The following UBR3 variants were observed in gnomAD, a reference collection of about 807,000 sequenced individuals.
UBR3 encodes E3 ubiquitin-protein ligase UBR3.
In UBR3, 85 loss-of-function variants were observed where a neutral mutation model predicts 243.2. The observed-to-expected ratio is 0.35, with a 90% CI of 0.29 to 0.42. The LOEUF is 0.42. Ranked by LOEUF, UBR3 falls within the 10% of genes least tolerant of loss-of-function variation. UBR3 has a pLI of 1.00. For missense variants in UBR3, 1,686 were observed against 2,300.8 expected (o/e 0.73, Z 5.47); for synonymous variants, 748 against 799.8 (o/e 0.94, Z 1.09).
chr2:170,070,024 T>C (rs73019594), intron 35 of UBR3, among the ~76,000 whole-genome samples: 6,514 of 152,214 alleles, frequency 0.043, 153 homozygotes, highest in Middle Eastern at 0.061. Context: ...TTTTGATGTA[T>C]GGCTGGTTGA....
intron 1 of UBR3, among the ~76,000 whole-genome samples, chr2:169,835,981 C>A (rs1354273191): frequency 1.5e-4 from 18 of 116,770 alleles, no homozygotes; most frequent in African/African-American, 5.0e-4. Flanking sequence ...TCCTGAAATT[C>A]CTGTGTGCAC....
chr2:169,858,117 T>G (rs2082955488), intron 1 of UBR3, among the ~76,000 whole-genome samples: 1 of 152,192 alleles, frequency 6.6e-6, no homozygotes, highest in African/African-American at 2.4e-5. Flanking sequence ...GCCACGAATT[T>G]GAAAGTGGCT....
chr2:169,874,560 C>CA (rs2083538052), intron 2 of UBR3, among the ~76,000 whole-genome samples: 1 of 152,158 alleles, frequency 6.6e-6, no homozygotes, highest in Non-Finnish European at 1.5e-5. Flanking sequence ...AATGAAAACT[C>CA]AGAGATCTTG....
chr2:169,898,531 AC>A (rs34391465), intron 8 of UBR3, among the ~76,000 whole-genome samples: 64,268 of 151,930 alleles, frequency 0.42, 15,187 homozygotes, highest in Non-Finnish European at 0.54. Context: ...CTGTGATCTT[AC>A]AGCTCTGAGT....
At chr2:169,854,043 GAGCATTAGGACAAATACCTAATGC>G (rs899242620) in intron 1 of UBR3, among the ~76,000 whole-genome samples, 11 of 151,970 alleles carry the variant, frequency 7.2e-5, no homozygotes, top group Admixed American at 7.2e-4. Flanking sequence ...AGGGGAGGGA[GAGCATTAGGACAAATACCTAATGC>G]ATGCGGGGCT....
chr2:169,852,850 CAAAAA>C (rs869283640), intron 1 of UBR3, among the ~76,000 whole-genome samples: 8 of 48,282 alleles, frequency 1.7e-4, no homozygotes, highest in South Asian at 1.5e-3. Flanking sequence ...GACTTCATCT[CAAAAA>C]AAAAAAAAAA....
At chr2:169,844,488 CTCTCTTTT>C (rs2082400438) in intron 1 of UBR3, among the ~76,000 whole-genome samples, 2 of 112,802 alleles carry the variant, frequency 1.8e-5, no homozygotes. Flanking sequence ...GTGAAACCCT[CTCTCTTTT>C]TTTTTTTTTT....
At chr2:170,016,844 A>G (rs927050514) in intron 30 of UBR3, 2 of 855,068 alleles carry the variant, frequency 2.3e-6, no homozygotes, top group Non-Finnish European at 3.0e-6. Context: ...CTTTTGCTTC[A>G]TTATTTTTCC....
intron 9 of UBR3, 52 bp downstream of exon 9, chr2:169,905,345 T>A: frequency 4.7e-6 from 6 of 1,289,524 alleles, no homozygotes; most frequent in Non-Finnish European, 6.1e-6. Flanking sequence ...TTCCTAATGC[T>A]AAATTATTAA....
Position 169,833,822 on chromosome 2 carries a change from C to T in UBR3, c.545+5770C>T, listed in dbSNP as rs149698829. On this transcript the variant is annotated intron_variant, in intron 1 of 38. Coordinates refer to ENST00000272793, the MANE Select transcript of UBR3 (RefSeq NM_172070.4). ...TTAGTGACAGGTTCTCGCAGTGTCTCCCAGGCTGGAGTGCAGTGGTGTGAT... is the reference window on the plus strand; with the variant it reads ...TTAGTGACAGGTTCTCGCAGTGTCTTCCAGGCTGGAGTGCAGTGGTGTGAT... Among the ~76,000 whole-genome samples, 490 of 151,766 alleles carry T rather than the reference C, an allele frequency of 3.2e-3. 9 individuals carry two copies. Among genetic ancestry groups the T allele is most frequent in the Admixed American group, 0.028 (424 of 15,238 alleles).
At chr2:169,875,379 G>A (rs2083568584) in intron 2 of UBR3, among the ~76,000 whole-genome samples, 1 of 152,144 alleles carries the variant, frequency 6.6e-6, no homozygotes, top group South Asian at 2.1e-4. Flanking sequence ...GCCCAGGCTG[G>A]AGTACAGTGG....
chr2:169,840,745 A>G (rs1187048337), intron 1 of UBR3, among the ~76,000 whole-genome samples: 1 of 152,138 alleles, frequency 6.6e-6, no homozygotes, highest in Admixed American at 6.5e-5. Context: ...TTGGAAATTT[A>G]GGTGGAGGAA....
At chr2:169,954,325 T>C (rs2087174071) in intron 23 of UBR3, among the ~76,000 whole-genome samples, 1 of 151,894 alleles carries the variant, frequency 6.6e-6, no homozygotes, top group Non-Finnish European at 1.5e-5. Context: ...ACTGCAGCCT[T>C]GACCTCCTAG....
At chr2:170,043,905 A>G (rs1432771443) in intron 32 of UBR3, among the ~76,000 whole-genome samples, 1 of 152,198 alleles carries the variant, frequency 6.6e-6, no homozygotes, top group Non-Finnish European at 1.5e-5. Context: ...ATATTTTGCT[A>G]GCTGTCATTG....
rs546088466 is a variant in UBR3 at position 169,923,089 on chromosome 2, C to G, written c.1867-840C>G. Among the ~76,000 whole-genome samples the G allele has an allele frequency of 2.0e-5, 3 of 152,218 alleles. No homozygotes were observed. The South Asian group carries it at 6.2e-4, about 32-fold the overall frequency. On this transcript the variant is annotated intron_variant, in intron 11 of 38. Transcript: ENST00000272793. ...GAAGGACAGCTGTGGTGTATTTTTGCCCTGTAGTGATTTTGTGATCCATGG... is the reference window on the plus strand; with the variant it reads ...GAAGGACAGCTGTGGTGTATTTTTGGCCTGTAGTGATTTTGTGATCCATGG...
intron 1 of UBR3, among the ~76,000 whole-genome samples, chr2:169,836,025 CTCTCTCTCTCTCTCTCTCTA>C (rs1354210938): frequency 0.026 from 792 of 30,664 alleles, 51 homozygotes; most frequent in Non-Finnish European, 0.041. Context: ...CTCTCTCTCT[CTCTCTCTCTCTCTCTCTCTA>C]TATATATATA....
chr2:170,010,759 AGT>A (rs556328327), intron 29 of UBR3, among the ~76,000 whole-genome samples: 87 of 152,330 alleles, frequency 5.7e-4, no homozygotes, highest in Non-Finnish European at 8.5e-4. Context: ...TCTGAAAATG[AGT>A]GTATATAACA....
intron 24 of UBR3, among the ~76,000 whole-genome samples, chr2:169,980,583 G>A (rs1281846596): frequency 6.6e-6 from 1 of 151,220 alleles, no homozygotes; most frequent in East Asian, 1.9e-4. Flanking sequence ...ATATTTCCCA[G>A]GTACAAGCAC....
intron 8 of UBR3, among the ~76,000 whole-genome samples, chr2:169,904,719 TTAATC>T (rs1239437169): frequency 3.3e-5 from 5 of 152,188 alleles, no homozygotes; most frequent in African/African-American, 9.7e-5. Context: ...TGAAATGAGA[TTAATC>T]TAGGGATAAA....
Sources: gnomAD v4.1 joint callset for allele counts (sites outside exome capture counted in the v4.1 genomes callset) on GRCh38, gnomAD v4.1.1 for gene constraint, MANE v1.5 for transcripts, NCBI Gene and HGNC (gene_info 2026-07-23, HGNC 2026-07-21) for gene names.